Variants in SLC39A10 observed in about 807,000 individuals in gnomAD.
The protein encoded by SLC39A10 is solute carrier family 39 member 10.
In SLC39A10, 13 loss-of-function variants were observed where a neutral mutation model predicts 65.1. The ratio of observed to expected loss-of-function variants is 0.20; its 90% confidence interval spans 0.13 to 0.32. SLC39A10 has a LOEUF of 0.32. Among genes scored for constraint, SLC39A10 ranks in the 10% least tolerant of loss-of-function variants. The pLI is 1.00. For synonymous variants in SLC39A10, 321 were observed against 342.2 expected, an observed-to-expected ratio of 0.94 and a Z score of 0.68; for missense variants, 831 against 1,018.4, an observed-to-expected ratio of 0.82 and a Z score of 2.50.
At chr2:195,630,200 T>C (rs1559007944) in intron 2 of SLC39A10, among the ~76,000 whole-genome samples, 1 of 146,356 alleles carries the variant, frequency 6.8e-6, no homozygotes, top group Non-Finnish European at 1.5e-5. Flanking sequence ...TGAGACAAAC[T>C]CCTGGGCTTT....
intron 6 of SLC39A10, among the ~76,000 whole-genome samples, chr2:195,714,159 C>T (rs1328075134): frequency 6.6e-6 from 1 of 152,098 alleles, no homozygotes; most frequent in Non-Finnish European, 1.5e-5. Context: ...TCTCCATCTC[C>T]TGACCTCGTG....
intron 5 of SLC39A10, among the ~76,000 whole-genome samples, chr2:195,709,548 A>C (rs1271422758): frequency 6.6e-6 from 1 of 151,934 alleles, no homozygotes; most frequent in East Asian, 1.9e-4. Flanking sequence ...AACTATTAAA[A>C]ATTATTTGTA....
intron 2 of SLC39A10, among the ~76,000 whole-genome samples, chr2:195,622,386 AAG>A (rs1688368081): frequency 6.6e-6 from 1 of 152,060 alleles, no homozygotes; most frequent in Non-Finnish European, 1.5e-5. Flanking sequence ...AAATAAATAA[AAG>A]AGAGAGAAGA....
At position 195,708,709 on chromosome 2, in the gene SLC39A10, T is replaced by A; in HGVS notation, c.1440T>A (p.Ser480=). ...AACATGCACATGGGCATGGACATTC[T>A]CATGGACATGAATCTAACAAGTTTT... ...SHQHAHGHGH[S]HGHESNKFLE... The change falls in exon 5 of 10, where the codon TCT becomes TCA. Residue 480 remains serine, a synonymous_variant. Coordinates refer to ENST00000359634, the MANE Select transcript of SLC39A10 (RefSeq NM_020342.3). 6.2e-7 allele frequency: 1 copy of A among 1,612,930 alleles called. No homozygotes were observed. The highest frequency in any genetic ancestry group is 8.5e-7 in the Non-Finnish European group (1 of 1,179,412).
chr2:195,629,621 C>A (rs926869939), intron 2 of SLC39A10, among the ~76,000 whole-genome samples: 1 of 152,216 alleles, frequency 6.6e-6, no homozygotes, highest in Non-Finnish European at 1.5e-5. Flanking sequence ...TCTGGAGCCA[C>A]AGACAGCATT....
chr2:195,621,469 C>T (rs59063533), intron 2 of SLC39A10, among the ~76,000 whole-genome samples: 1 of 152,150 alleles, frequency 6.6e-6, no homozygotes, highest in South Asian at 2.1e-4. Flanking sequence ...TTTCTTGGTA[C>T]TGAATTCAGC....
intron 2 of SLC39A10, among the ~76,000 whole-genome samples, chr2:195,649,443 A>C (rs545338133): frequency 2.6e-5 from 4 of 152,342 alleles, no homozygotes; most frequent in Admixed American, 1.3e-4. Context: ...TGATTTTAGA[A>C]GATGTACTTG....
At chr2:195,709,242 TGTA>T (rs1691519422) in intron 5 of SLC39A10, among the ~76,000 whole-genome samples, 1 of 151,360 alleles carries the variant, frequency 6.6e-6, no homozygotes, top group African/African-American at 2.4e-5. Context: ...TATGTATGTA[TGTA>T]TTTTGAGACA....
rs904029558 is a variant in SLC39A10 at position 195,644,250 on chromosome 2, A to G, written c.-11-35782A>G. On this transcript the variant is annotated intron_variant, in intron 2 of 2. Transcript: ENST00000458054. ...GGTGGCTCACGCCTGTGATCCCAGC[A>G]CTTTGGGAGGCCGAAGTGGGAGGAT... Among the ~76,000 whole-genome samples, 88 of 151,618 alleles carry G rather than the reference A, an allele frequency of 5.8e-4. 1 individual carries two copies. Among genetic ancestry groups the G allele is most frequent in the African/African-American group, 2.1e-3 (86 of 41,316 alleles).
intron 1 of SLC39A10, among the ~76,000 whole-genome samples, chr2:195,660,556 G>T (rs943834400): frequency 6.6e-6 from 1 of 152,272 alleles, no homozygotes; most frequent in Middle Eastern, 3.4e-3. Context: ...ACTTACTGCT[G>T]TAAATCTGGT....
Position 195,716,902 on chromosome 2 carries a change from C to T in SLC39A10, c.1962C>T (p.Pro654=). The T allele has an allele frequency of 5.0e-6, 8 of 1,614,190 alleles. No homozygotes were observed. Among genetic ancestry groups the T allele is most frequent in the Non-Finnish European group, 6.8e-6 (8 of 1,180,030 alleles). The change falls in exon 7 of 10, where the codon CCC becomes CCT. Residue 654 remains proline, a synonymous_variant. Transcript: ENST00000359634. The part of the protein sequence containing the change: ...HHKHSHHSHG[P]CHSGSDLKET... ...AGCATTCTCATCATTCCCATGGCCC[C>T]TGTCATTCTGGATCCGATCTGAAAG...
chr2:195,723,767 T>C (rs889453303), intron 8 of SLC39A10, among the ~76,000 whole-genome samples: 5 of 151,890 alleles, frequency 3.3e-5, no homozygotes, highest in Non-Finnish European at 7.4e-5. Context: ...AATACAGCCA[T>C]GGGGCAAGGG....
chr2:195,697,970 G>A (rs757225849), intron 3 of SLC39A10, among the ~76,000 whole-genome samples: 9 of 151,998 alleles, frequency 5.9e-5, no homozygotes, highest in Non-Finnish European at 1.0e-4. Context: ...TCTTTTTGAT[G>A]CTATTGTAAG....
At chr2:195,615,928 T>C (rs948998369) in intron 2 of SLC39A10, among the ~76,000 whole-genome samples, 1 of 152,248 alleles carries the variant, frequency 6.6e-6, no homozygotes, top group African/African-American at 2.4e-5. Flanking sequence ...ACCTCCTTGA[T>C]TGATAAACTA....
chr2:195,644,293 T>G (rs1225104491), intron 2 of SLC39A10, among the ~76,000 whole-genome samples: 1 of 151,862 alleles, frequency 6.6e-6, no homozygotes, highest in African/African-American at 2.4e-5. Context: ...GCTCAGGAGT[T>G]CAGTACCAGC....
intron 3 of SLC39A10, among the ~76,000 whole-genome samples, chr2:195,696,242 T>C (rs1382807815): frequency 6.6e-6 from 1 of 152,116 alleles, no homozygotes; most frequent in African/African-American, 2.4e-5. Flanking sequence ...TGTTTTTGTT[T>C]TTCAAGTTTA....
chr2:195,671,636 C>G, intron 1 of SLC39A10: 1 of 152,174 alleles, frequency 6.6e-6, no homozygotes, highest in East Asian at 1.9e-4. Flanking sequence ...ACCATTTCCC[C>G]CATTCCTGTC....
At chr2:195,713,120 A>G (rs948621916) in intron 5 of SLC39A10, among the ~76,000 whole-genome samples, 2 of 152,202 alleles carry the variant, frequency 1.3e-5, no homozygotes, top group Non-Finnish European at 2.9e-5. Context: ...ACACTATTGG[A>G]TAAGAGATTT....
At chr2:195,678,410 C>CT (rs915395847) in intron 1 of SLC39A10, among the ~76,000 whole-genome samples, 1 of 152,082 alleles carries the variant, frequency 6.6e-6, no homozygotes, top group Non-Finnish European at 1.5e-5. Flanking sequence ...AGTTTGGCTG[C>CT]TGTTATGAAG....
Sources: gnomAD v4.1 joint callset for allele counts (sites outside exome capture counted in the v4.1 genomes callset) on GRCh38, gnomAD v4.1.1 for gene constraint, MANE v1.5 for transcripts, NCBI Gene and HGNC (gene_info 2026-07-23, HGNC 2026-07-21) for gene names.